The following APBA2 variants were observed in gnomAD, a reference collection of about 807,000 sequenced individuals.
APBA2 encodes the protein amyloid-beta A4 precursor protein-binding family A member 2.
In APBA2, 30 loss-of-function variants were observed where a neutral mutation model predicts 75.0. The observed-to-expected ratio is 0.40, with a 90% CI of 0.30 to 0.54. The LOEUF (loss-of-function observed/expected upper bound fraction) is 0.54. Among genes scored for constraint, APBA2 ranks in the 20% least tolerant of loss-of-function variants. APBA2 has a pLI of 0.49. For synonymous variants in APBA2, 444 were observed against 409.6 expected, an observed-to-expected ratio of 1.08 and a Z score of -1.01; for missense variants, 801 against 1,016.1, an observed-to-expected ratio of 0.79 and a Z score of 2.88.
intron 2 of APBA2, among the ~76,000 whole-genome samples, chr15:28,995,110 G>C (rs1346607640): frequency 1.3e-5 from 2 of 152,194 alleles, no homozygotes; most frequent in Non-Finnish European, 1.5e-5. Context: ...CTGAATTCCT[G>C]ATCCAACCCA....
intron 4 of APBA2, among the ~76,000 whole-genome samples, chr15:29,069,291 G>A (rs1001247444): frequency 2.0e-5 from 3 of 152,178 alleles, no homozygotes; most frequent in African/African-American, 7.2e-5. Flanking sequence ...TCTACCGCAT[G>A]ATTAATGTGA....
In APBA2 at chr15:28,991,969, C is replaced by G. The variant is rs1343036214; in HGVS notation, c.-94-3784C>G. Among the ~76,000 whole-genome samples the G allele has an allele frequency of 1.3e-5, 2 of 152,196 alleles. No individual in the cohort carries two copies. Among genetic ancestry groups the G allele is most frequent in the Non-Finnish European group, 2.9e-5 (2 of 68,042 alleles). On this transcript the variant is annotated intron_variant, in intron 2 of 14. Coordinates refer to ENST00000683413, the MANE Select transcript of APBA2 (RefSeq NM_001353788.2). This position sits in a 1 kb window ranked among gnomAD's most constrained non-coding sequence, Gnocchi z 4.7. Reference sequence around the variant, plus strand: ...GGAAATGCAGCCATAGCTCTGGGGCCAGCTAGAGGAAGGAGTGTGATTGTG... The same window carrying G: ...GGAAATGCAGCCATAGCTCTGGGGCGAGCTAGAGGAAGGAGTGTGATTGTG...
chr15:28,907,800 G>C (rs2033207103), intron 1 of APBA2, among the ~76,000 whole-genome samples: 1 of 152,160 alleles, frequency 6.6e-6, no homozygotes, highest in Non-Finnish European at 1.5e-5. Context: ...AGGAGCGCTT[G>C]GGCGACCCTT....
At position 28,908,315 on chromosome 15, in the gene APBA2, G is replaced by GTTTTTTTTTTTTTTTTTTTTTTTTTT. The variant is rs765084356; in HGVS notation, c.-204-13312_-204-13311insTTTTTTTTTTTTTTTTTTTTTTTTTT. On this transcript the variant is annotated intron_variant, in intron 1 of 14. Transcript: ENST00000683413. The stretch of plus-strand genomic sequence containing the variant: ...TTGTTTTTGTTTGTTTTGTTTTCTT[G>GTTTTTTTTTTTTTTTTTTTTTTTTTT]TTTTTTTTTTTTTGAGACAGAGTCT... Among the ~76,000 whole-genome samples, 23 of 137,588 alleles carry GTTTTTTTTTTTTTTTTTTTTTTTTTT rather than the reference G, an allele frequency of 1.7e-4. 4 individuals are homozygous for GTTTTTTTTTTTTTTTTTTTTTTTTTT. The highest frequency in any genetic ancestry group is 6.6e-4 in the African/African-American group (22 of 33,176). 90.3% of individuals were successfully genotyped at this position (137,588 alleles called of 152,430 possible).
At chr15:29,003,891 T>C (rs939088816) in intron 3 of APBA2, among the ~76,000 whole-genome samples, 3 of 152,250 alleles carry the variant, frequency 2.0e-5, no homozygotes, top group Non-Finnish European at 4.4e-5. Context: ...TTATGGACTT[T>C]AATGACATGG....
intron 4 of APBA2, chr15:29,070,727 AG>A (rs967199617): frequency 7.5e-5 from 17 of 228,010 alleles, no homozygotes; most frequent in African/African-American, 2.1e-4. Flanking sequence ...CCATCTGACC[AG>A]GGGGTCATGC....
intron 4 of APBA2, among the ~76,000 whole-genome samples, chr15:29,071,878 G>A (rs1475680493): frequency 6.6e-6 from 1 of 152,006 alleles, no homozygotes; most frequent in Non-Finnish European, 1.5e-5. Context: ...ACAACCTTGT[G>A]TTGCCCGTGG....
At chr15:28,896,679 G>C (rs2032512008) in intron 1 of APBA2, among the ~76,000 whole-genome samples, 1 of 152,158 alleles carries the variant, frequency 6.6e-6, no homozygotes, top group Non-Finnish European at 1.5e-5. Context: ...ATGGTGTGGG[G>C]GCAGTGCCTG....
chr15:28,953,468 T>C (rs987804313), intron 2 of APBA2, among the ~76,000 whole-genome samples: 1 of 152,140 alleles, frequency 6.6e-6, no homozygotes, highest in South Asian at 2.1e-4. Context: ...GTAGAACTTC[T>C]GGAAAGAGTT....
At chr15:28,988,650 G>C (rs1470563117) in intron 2 of APBA2, among the ~76,000 whole-genome samples, 1 of 152,218 alleles carries the variant, frequency 6.6e-6, no homozygotes, top group Non-Finnish European at 1.5e-5. Context: ...TCACTGCTGT[G>C]TGGTATTGCA....
At chr15:28,968,477 A>C (rs557389373) in intron 2 of APBA2, among the ~76,000 whole-genome samples, 2 of 152,196 alleles carry the variant, frequency 1.3e-5, no homozygotes, top group South Asian at 2.1e-4. Flanking sequence ...GGTGAAGTTC[A>C]GCGTGTCCCT....
At chr15:28,923,928 T>C (rs77399539) in intron 2 of APBA2, among the ~76,000 whole-genome samples, 4 of 152,350 alleles carry the variant, frequency 2.6e-5, no homozygotes, top group East Asian at 1.9e-4. Flanking sequence ...TCTGGCAAGA[T>C]TTGCAGGTGC....
chr15:28,990,054 T>C (rs1205597340), intron 2 of APBA2, among the ~76,000 whole-genome samples: 3 of 152,172 alleles, frequency 2.0e-5, no homozygotes, highest in Admixed American at 2.0e-4. Context: ...TACCTGATGC[T>C]GTGGGCTGCA....
intron 13 of APBA2, among the ~76,000 whole-genome samples, chr15:29,109,140 C>G (rs1249979716): frequency 6.6e-6 from 1 of 152,216 alleles, no homozygotes; most frequent in Non-Finnish European, 1.5e-5. Flanking sequence ...GGAGGAGAGA[C>G]ACTGCGGGCT....
At chr15:29,082,674 T>C (rs2043134433) in intron 6 of APBA2, among the ~76,000 whole-genome samples, 1 of 152,228 alleles carries the variant, frequency 6.6e-6, no homozygotes, top group African/African-American at 2.4e-5. Flanking sequence ...TTGCTAAACA[T>C]GTCATTTAGT....
chr15:29,079,337 G>C (rs895717277), intron 6 of APBA2, among the ~76,000 whole-genome samples: 1 of 152,154 alleles, frequency 6.6e-6, no homozygotes, highest in Admixed American at 6.5e-5. Context: ...CCATCAGAGA[G>C]TCCAGGAGGC....
chr15:29,094,717 C>T (rs896488034), intron 8 of APBA2, among the ~76,000 whole-genome samples: 1 of 152,200 alleles, frequency 6.6e-6, no homozygotes, highest in African/African-American at 2.4e-5. Context: ...TTTACTAAGT[C>T]AGGAGGGTGA....
Position 29,053,821 on chromosome 15 carries a change from C to T in APBA2, c.-40-24C>T. Reference sequence around the variant, plus strand: ...GGGCTTTGTGGGGTTTTGACTCTGTCCTTCCCAATGTTCCTCCCCACAGTG... The same window carrying T: ...GGGCTTTGTGGGGTTTTGACTCTGTTCTTCCCAATGTTCCTCCCCACAGTG... On this transcript the variant is annotated intron_variant, in intron 3 of 14. Coordinates refer to ENST00000683413, the MANE Select transcript of APBA2 (RefSeq NM_001353788.2). 5 of 1,465,452 alleles carry T rather than the reference C, an allele frequency of 3.4e-6. No homozygotes were observed. In the South Asian group the frequency reaches 5.1e-5, roughly 15 times the overall value. The allele number at this position is 1,465,452 out of a possible 1,614,324, so 90.8% of individuals were successfully genotyped here.
At position 28,926,522 on chromosome 15, in the gene APBA2, G is replaced by A. The variant is rs865945090; in HGVS notation, c.-95+4773G>A. On this transcript the variant is annotated intron_variant, in intron 2 of 14. Transcript: ENST00000683413. The stretch of plus-strand genomic sequence containing the variant: ...ATATGTCATAATCATACAGTATATC[G>A]TTACCATTATTGCAGTAAATAAATT... Among the ~76,000 whole-genome samples, 32 of 151,932 alleles carry A rather than the reference G, an allele frequency of 2.1e-4. 1 individual carries two copies. The highest frequency in any genetic ancestry group is 7.2e-4 in the African/African-American group (30 of 41,436).
Sources: gnomAD v4.1 joint callset for allele counts (sites outside exome capture counted in the v4.1 genomes callset) on GRCh38, gnomAD v4.1.1 for gene constraint, Gnocchi (gnomAD v3.1) non-coding constraint, MANE v1.5 for transcripts, NCBI Gene and HGNC (gene_info 2026-07-23, HGNC 2026-07-21) for gene names.